Variants in RIMS2 observed in about 807,000 individuals in gnomAD.
RIMS2 encodes the protein regulating synaptic membrane exocytosis protein 2.
A neutral mutation model predicts 174.4 loss-of-function variants in RIMS2; 59 were observed. The observed-to-expected ratio is 0.34, with a 90% CI of 0.27 to 0.42. RIMS2 has a LOEUF of 0.42. Among genes scored for constraint, RIMS2 ranks in the 10% least tolerant of loss-of-function variants. RIMS2 has a pLI of 1.00. For missense variants in RIMS2, 1,620 were observed against 1,666.3 expected, an observed-to-expected ratio of 0.97 and a Z score of 0.48; for synonymous variants, 606 against 572.5, an observed-to-expected ratio of 1.06 and a Z score of -0.84.
rs1331852170 is a variant in RIMS2, at chr8:103,735,292, A to T, written c.388-30935A>T. 2.6e-5 allele frequency among the ~76,000 whole-genome samples: 4 copies of T among 152,316 alleles called. No homozygotes were observed. The East Asian group carries it at 7.7e-4, about 29-fold the overall frequency. On this transcript the variant is annotated intron_variant, in intron 2 of 23. Coordinates refer to ENST00000504942, the Ensembl canonical transcript of RIMS2. ...TGAATCTGGCTGATTTTCATTGTTA[A>T]AGTGGGAGTGATGTTTTCTTGTTAC...
chr8:103,686,844 C>G (rs1320626229), intron 1 of RIMS2, among the ~76,000 whole-genome samples: 1 of 151,956 alleles, frequency 6.6e-6, no homozygotes, highest in African/African-American at 2.4e-5. Context: ...TCTCTGCAGC[C>G]TTGTATTCCT....
At chr8:103,707,996 C>A (rs1330403398) in intron 2 of RIMS2, among the ~76,000 whole-genome samples, 1 of 152,206 alleles carries the variant, frequency 6.6e-6, no homozygotes, top group Admixed American at 6.5e-5. Context: ...AAAGTTTCCT[C>A]TGTTTACTCT....
At chr8:103,881,443 A>G (rs1372007418) in intron 3 of RIMS2, among the ~76,000 whole-genome samples, 2 of 151,532 alleles carry the variant, frequency 1.3e-5, no homozygotes, top group African/African-American at 4.8e-5. Flanking sequence ...AAGTTATGGT[A>G]AAAACATGAT....
chr8:104,155,474 C>T lies in RIMS2; in HGVS notation c.3335-89442C>T, dbSNP rs1390541068. Among the ~76,000 whole-genome samples the T allele has an allele frequency of 8.8e-5, 10 of 113,010 alleles. No homozygotes were observed. In the South Asian group the frequency reaches 9.8e-4, roughly 11 times the overall value. The allele number at this position is 113,010 out of a possible 152,430, so 74.1% of individuals were successfully genotyped here. A position where few individuals can be genotyped will look rare whatever the true frequency, so the allele number is the denominator to read the frequency against. ...TGTCGCCCAGGCTGGAGTACAGTGG[C>T]GCGATCTCGGCTCACTGCAAGCTCC... On this transcript the variant is annotated intron_variant, in intron 19 of 23. Coordinates refer to ENST00000504942, the Ensembl canonical transcript of RIMS2.
chr8:103,792,157 C>T (rs2098505184), intron 3 of RIMS2, among the ~76,000 whole-genome samples: 1 of 152,182 alleles, frequency 6.6e-6, no homozygotes, highest in Admixed American at 6.5e-5. Context: ...CTAAAACTGA[C>T]CACATCGTTG....
chr8:103,675,011 A>G (rs1334828120), intron 1 of RIMS2, among the ~76,000 whole-genome samples: 2 of 152,158 alleles, frequency 1.3e-5, no homozygotes, highest in Non-Finnish European at 2.9e-5. Context: ...GAAAAGATTA[A>G]ATGATTCTCC....
At chr8:103,629,318 C>A (rs1305131839) in intron 1 of RIMS2, among the ~76,000 whole-genome samples, 1 of 152,194 alleles carries the variant, frequency 6.6e-6, no homozygotes, top group Non-Finnish European at 1.5e-5. Context: ...GATCCCTGAA[C>A]AGACAATGCA....
At chr8:103,664,877 AAATGTCC>A in intron 1 of RIMS2, among the ~76,000 whole-genome samples, 1 of 152,350 alleles carries the variant, frequency 6.6e-6, no homozygotes, top group East Asian at 1.9e-4. Context: ...GAACCAACCC[AAATGTCC>A]ATCACTGATA....
At chr8:103,874,651 G>T (rs1001061914) in intron 3 of RIMS2, among the ~76,000 whole-genome samples, 1 of 151,934 alleles carries the variant, frequency 6.6e-6, no homozygotes, top group Non-Finnish European at 1.5e-5. Context: ...TTCTATAAAA[G>T]TGTTAAAAAC....
intron 1 of RIMS2, among the ~76,000 whole-genome samples, chr8:103,659,919 T>A (rs964405392): frequency 6.6e-6 from 1 of 152,212 alleles, no homozygotes; most frequent in Non-Finnish European, 1.5e-5. Flanking sequence ...GGGATGGCAA[T>A]GAGGCAGAGC....
At chr8:104,078,943 A>G (rs1343851398) in intron 19 of RIMS2, among the ~76,000 whole-genome samples, 1 of 152,162 alleles carries the variant, frequency 6.6e-6, no homozygotes, top group African/African-American at 2.4e-5. Context: ...GCGTAGCCAT[A>G]ATTTTATGCT....
intron 3 of RIMS2, among the ~76,000 whole-genome samples, chr8:103,883,858 C>T (rs989914397): frequency 2.6e-5 from 4 of 151,814 alleles, no homozygotes; most frequent in Non-Finnish European, 4.4e-5. Flanking sequence ...GTAGGTGGTA[C>T]AGGTAATTGC....
intron 1 of RIMS2, among the ~76,000 whole-genome samples, chr8:103,624,712 G>A (rs1029133293): frequency 2.0e-5 from 3 of 152,000 alleles, no homozygotes; most frequent in South Asian, 2.1e-4. Flanking sequence ...TGTATATCAG[G>A]CACTATTCTA....
chr8:104,034,462 C>CTTTTTT (rs200907072), intron 19 of RIMS2, among the ~76,000 whole-genome samples: 4 of 118,380 alleles, frequency 3.4e-5, no homozygotes, highest in Admixed American at 9.2e-5. Flanking sequence ...CTTGCAGTAT[C>CTTTTTT]TTTTTTTTTT....
chr8:103,985,236 G>A (rs191950131), intron 16 of RIMS2, among the ~76,000 whole-genome samples: 2 of 152,142 alleles, frequency 1.3e-5, no homozygotes, highest in South Asian at 4.1e-4. Context: ...AGCACTTTGG[G>A]AGGCCAAGGC....
chr8:104,186,176 GCTAA>G (rs1256423014), intron 19 of RIMS2, among the ~76,000 whole-genome samples: 1 of 151,700 alleles, frequency 6.6e-6, no homozygotes, highest in African/African-American at 2.4e-5. Context: ...ATAAATGGGA[GCTAA>G]CTAATATGTA....
At chr8:103,888,430 TTAA>T (rs1292397422) in intron 4 of RIMS2, among the ~76,000 whole-genome samples, 3 of 151,458 alleles carry the variant, frequency 2.0e-5, no homozygotes, top group African/African-American at 7.2e-5. Context: ...TTAAGTATAT[TTAA>T]TAATCTTTAG....
chr8:103,968,124 G>A (rs1360926458), intron 15 of RIMS2, among the ~76,000 whole-genome samples: 2 of 152,044 alleles, frequency 1.3e-5, no homozygotes, highest in Non-Finnish European at 2.9e-5. Context: ...GCCTCCCAAA[G>A]TGCTGGGATT....
Position 103,609,020 on chromosome 8 carries a change from C to T in RIMS2, c.177-88066C>T, listed in dbSNP as rs193183729. On this transcript the variant is annotated intron_variant, in intron 1 of 23. Coordinates refer to ENST00000504942, the Ensembl canonical transcript of RIMS2. Reference sequence around the variant, plus strand: ...TTCGGCCATCTTGGCTCCTCCCTCCCATTTTTTGACTTTTTAATAATATCT... The same window carrying T: ...TTCGGCCATCTTGGCTCCTCCCTCCTATTTTTTGACTTTTTAATAATATCT... Among the ~76,000 whole-genome samples the T allele has an allele frequency of 1.1e-4, 16 of 152,006 alleles. 1 individual carries two copies. The highest frequency in any genetic ancestry group is 9.2e-4 in the Admixed American group (14 of 15,250).
Sources: gnomAD v4.1 joint callset for allele counts (sites outside exome capture counted in the v4.1 genomes callset) on GRCh38, gnomAD v4.1.1 for gene constraint, MANE v1.5 for transcripts, NCBI Gene and HGNC (gene_info 2026-07-23, HGNC 2026-07-21) for gene names.